Variants in NBL1 observed in about 807,000 individuals in gnomAD.
NBL1 encodes the protein NBL1, DAN family BMP antagonist.
Under a neutral mutation model 16.0 loss-of-function variants are expected in NBL1, and 9 were observed. That is an observed-to-expected ratio of 0.56 (90% CI 0.34 to 0.98). NBL1 has a LOEUF of 0.98. NBL1 is among the 50% of genes least tolerant of loss of function. NBL1 has a pLI of 0.02. For synonymous variants in NBL1, 86 were observed against 100.7 expected (o/e 0.85, Z 0.87); for missense variants, 196 against 243.1 (o/e 0.81, Z 1.29).
rs371065967 is a variant in NBL1, at chr1:19,655,355, G to T, written c.202G>T (p.Val68Phe). The T allele has an allele frequency of 6.2e-7, 1 of 1,613,976 alleles. No individual in the cohort carries two copies. ...CCTAGGACAGTGCTTCAGCTACAGC[G>T]TCCCCAACACCTTCCCACAGTCCAC... is the stretch of plus-strand genomic sequence containing the variant. The part of the protein sequence containing the change: ...ACLGQCFSYS[V>F]PNTFPQSTES... The change falls in exon 3 of 4, where the codon GTC (valine) becomes TTC (phenylalanine). Residue 68 changes from valine to phenylalanine, a missense_variant. By Grantham distance (50) the Val-to-Phe change is conservative. Transcript: ENST00000375136.
intron 1 of NBL1, chr1:19,645,472 C>T (rs2094973182): frequency 3.0e-6 from 3 of 992,562 alleles, no homozygotes; most frequent in Non-Finnish European, 3.6e-6. Context: ...TTCGGAGGCC[C>T]TCGCTCCCCA....
rs2094965781 is a variant in NBL1, at chr1:19,644,515, C to T, written c.-20+69C>T. 2 of 861,646 alleles carry T rather than the reference C, an allele frequency of 2.3e-6. No homozygotes were observed. Among genetic ancestry groups the T allele is most frequent in the Non-Finnish European group, 2.8e-6 (2 of 719,286 alleles). The allele number at this position is 861,646 out of a possible 1,614,324, so 53.4% of individuals were successfully genotyped here. ...GGCTTCGGCCGCGGGGGCAGTGCCG[C>T]GCCCCCAGCCCGGAGCTGCGTCCCC... On this transcript the variant is annotated intron_variant, in intron 1 of 3. Transcript: ENST00000375136. The surrounding 1 kb of genome is among the most constrained non-coding windows in gnomAD (Gnocchi z 4.6).
At chr1:19,643,481 G>A, upstream of NBL1, 1 of 1,575,238 alleles carries the variant, frequency 6.3e-7, no homozygotes, top group Non-Finnish European at 8.6e-7. This position sits in a 1 kb window ranked among gnomAD's most constrained non-coding sequence, Gnocchi z 4.7. Flanking sequence ...CAGAAGCAAA[G>A]TTATTTTCTC....
Position 19,644,344 on chromosome 1 carries a change from C to T in NBL1, c.-122C>T, listed in dbSNP as rs1363908983. On this transcript the variant is annotated 5_prime_UTR_variant, in exon 1 of 4. Transcript: ENST00000375136. The surrounding 1 kb of genome is among the most constrained non-coding windows in gnomAD (Gnocchi z 4.6). ...CGCGCAGCGCAGCCCAGCCGAGCGT[C>T]GCGGGGCCGCCCCCCGCCCTGCCGG... is the stretch of plus-strand genomic sequence containing the variant. 28 of 978,536 alleles carry T rather than the reference C, an allele frequency of 2.9e-5. No homozygotes were observed. Among genetic ancestry groups the T allele is most frequent in the Non-Finnish European group, 3.3e-5 (27 of 827,086 alleles). The allele number at this position is 978,536 out of a possible 1,614,324, so 60.6% of individuals were successfully genotyped here.
upstream of NBL1, chr1:19,644,001 G>A (rs2094961914): frequency 1.0e-6 from 1 of 985,302 alleles, no homozygotes; most frequent in Non-Finnish European, 1.2e-6. The surrounding 1 kb of genome is among the most constrained non-coding windows in gnomAD (Gnocchi z 4.6). Flanking sequence ...ACCCGGGGAG[G>A]GCGCTTAAGA....
intron 1 of NBL1, among the ~76,000 whole-genome samples, chr1:19,652,654 G>T (rs1220504898): frequency 2.6e-5 from 4 of 152,154 alleles, no homozygotes; most frequent in African/African-American, 9.7e-5. Flanking sequence ...CACTCAGCCA[G>T]CCCACCTCTA....
intron 1 of NBL1, among the ~76,000 whole-genome samples, chr1:19,653,901 TCTCA>T (rs1014413283): frequency 5.1e-4 from 77 of 152,194 alleles, no homozygotes; most frequent in African/African-American, 1.8e-3. Flanking sequence ...TGTTTTAGTA[TCTCA>T]CTCCATCCTA....
At chr1:19,644,047 T>C (rs2094962166), upstream of NBL1, 1 of 978,608 alleles carries the variant, frequency 1.0e-6, no homozygotes, top group African/African-American at 1.8e-5. The surrounding 1 kb of genome is among the most constrained non-coding windows in gnomAD (Gnocchi z 4.6). Context: ...GCCCTGCCTC[T>C]CGGGCGCCGG....
In NBL1 at chr1:19,644,866, C is replaced by G. The variant is rs1470107916; in HGVS notation, c.-20+420C>G. On this transcript the variant is annotated intron_variant, in intron 1 of 3. Transcript: ENST00000375136. The surrounding 1 kb of genome is among the most constrained non-coding windows in gnomAD (Gnocchi z 4.6). ...TCTGGACGTTTCCGCCTCCCGCGGC[C>G]CCCTCTGCTTCGGTCCCCACGTCCG... 6.6e-6 allele frequency among the ~76,000 whole-genome samples: 1 copy of G among 151,938 alleles called. No homozygotes were observed. Among genetic ancestry groups the G allele is most frequent in the Non-Finnish European group, 1.5e-5 (1 of 68,008 alleles).
In NBL1 at chr1:19,657,370, T is replaced by G. The variant is rs202047376; in HGVS notation, c.*241T>G. On this transcript the variant is annotated 3_prime_UTR_variant, in exon 4 of 4. Coordinates refer to ENST00000375136, the MANE Select transcript of NBL1 (RefSeq NM_005380.8). ...GCAGAGGTCTTCAGGGCTCTTTTTT[T>G]GGGGGGGGTGGTCTCTTCCTGTCTG... 63 of 144,212 alleles carry G rather than the reference T, an allele frequency of 4.4e-4. No homozygotes were observed. Among genetic ancestry groups the G allele is most frequent in the East Asian group, 6.7e-4 (4 of 5,930 alleles). The allele number at this position is 144,212 out of a possible 1,614,324, so 8.9% of individuals were successfully genotyped here. A position where few individuals can be genotyped will look rare whatever the true frequency, so the allele number is the denominator to read the frequency against.
At position 19,644,588 on chromosome 1, in the gene NBL1, G is replaced by T; in HGVS notation, c.-20+142G>T. The T allele has an allele frequency of 5.2e-6, 2 of 382,192 alleles. No homozygotes were observed. Among genetic ancestry groups the T allele is most frequent in the Non-Finnish European group, 3.6e-6 (1 of 278,996 alleles). The allele number at this position is 382,192 out of a possible 1,614,324, so 23.7% of individuals were successfully genotyped here. On this transcript the variant is annotated intron_variant, in intron 1 of 3. Coordinates refer to ENST00000375136, the MANE Select transcript of NBL1 (RefSeq NM_005380.8). This position sits in a 1 kb window ranked among gnomAD's most constrained non-coding sequence, Gnocchi z 4.6. ...CACCGGGTGGAGGCGCCGCCGCCGA[G>T]CTCAGGAGCCCTGGGGGACCTGGCG...
intron 1 of NBL1, among the ~76,000 whole-genome samples, chr1:19,650,075 C>T (rs1442514453): frequency 6.6e-6 from 1 of 152,022 alleles, no homozygotes; most frequent in African/African-American, 2.4e-5. Context: ...CCCGGGTTCA[C>T]GCCATTCTCC....
chr1:19,647,632 C>T (rs2094989317), intron 1 of NBL1: 3 of 985,334 alleles, frequency 3.0e-6, no homozygotes, highest in South Asian at 9.4e-5. Context: ...GCTCGTTGTG[C>T]ATGCGGACTG....
intron 1 of NBL1, among the ~76,000 whole-genome samples, chr1:19,652,516 G>T (rs953573838): frequency 6.6e-6 from 1 of 152,184 alleles, no homozygotes; most frequent in Non-Finnish European, 1.5e-5. Context: ...CCAGTGGGCT[G>T]GGAGTGGGGC....
chr1:19,651,842 C>T (rs996499671), intron 1 of NBL1, among the ~76,000 whole-genome samples: 1 of 152,148 alleles, frequency 6.6e-6, no homozygotes, highest in African/African-American at 2.4e-5. Flanking sequence ...TACAGGTGCA[C>T]ATCACAATGC....
chr1:19,645,390 A>T, intron 1 of NBL1: 1 of 986,302 alleles, frequency 1.0e-6, no homozygotes, highest in Non-Finnish European at 1.2e-6. Context: ...GCGGCGGCAA[A>T]GGGGGCAGCC....
intron 1 of NBL1, among the ~76,000 whole-genome samples, chr1:19,649,548 G>T (rs543032912): frequency 2.0e-5 from 3 of 151,862 alleles, no homozygotes; most frequent in Non-Finnish European, 2.9e-5. Flanking sequence ...TAGTAGAGAC[G>T]GGGTTTCGCC....
At chr1:19,643,671 C>G, upstream of NBL1, 2 of 1,227,448 alleles carry the variant, frequency 1.6e-6, no homozygotes, top group Admixed American at 7.4e-5. This position sits in a 1 kb window ranked among gnomAD's most constrained non-coding sequence, Gnocchi z 4.7. Context: ...GTCCCTGGGG[C>G]TTTTCGGGAT....
chr1:19,645,623 C>T, intron 1 of NBL1: 1 of 1,116,966 alleles, frequency 9.0e-7, no homozygotes, highest in Non-Finnish European at 1.1e-6. Flanking sequence ...ATGGGGCCTC[C>T]CTAGACTCCC....
Sources: gnomAD v4.1 joint callset for allele counts (sites outside exome capture counted in the v4.1 genomes callset) on GRCh38, gnomAD v4.1.1 for gene constraint, Gnocchi (gnomAD v3.1) non-coding constraint, MANE v1.5 for transcripts, NCBI Gene and HGNC (gene_info 2026-07-23, HGNC 2026-07-21) for gene names.